PSG11: variants seen among roughly 807,000 people sequenced by gnomAD.
PSG11 encodes pregnancy-specific beta-1-glycoprotein 11.
A neutral mutation model predicts 36.0 loss-of-function variants in PSG11; 42 were observed. The ratio of observed to expected loss-of-function variants is 1.17; its 90% CI spans 0.91 to 1.51. PSG11 has a LOEUF of 1.51. Ranked by LOEUF, PSG11 falls within the 40% of genes most tolerant of loss-of-function variation. The pLI, the probability that PSG11 is intolerant of heterozygous loss-of-function variation, is 0.00. For missense variants in PSG11, 558 were observed against 403.5 expected, an observed-to-expected ratio of 1.38 and a Z score of -3.28; for synonymous variants, 206 against 153.5, an observed-to-expected ratio of 1.34 and a Z score of -2.53.
rs543605647 is a variant in PSG11 at position 43,018,824 on chromosome 19, T to C, written c.655A>G (p.Ile219Val). ...CGGCTGGCACTCCCTGAGTTCCATA[T>C]TTCACATTCATAGGGTCCTGCAGTA... ...KYTAGPYECE[I>V]WNSGSASRSD... The change falls in exon 3 of 6, where the codon ATA becomes GTA. Residue 219 changes from isoleucine to valine, a missense_variant. Transcript: ENST00000320078. The C allele has an allele frequency of 2.5e-6, 4 of 1,612,126 alleles. No homozygotes were observed. In the South Asian group the frequency reaches 4.4e-5, roughly 18 times the overall value.
intron 3 of PSG11, chr19:43,017,493 G>C (rs1189777256): frequency 6.6e-6 from 1 of 151,268 alleles, no homozygotes; most frequent in African/African-American, 2.4e-5. Context: ...TGAAGGCTTT[G>C]GGATGTGAGA....
rs1311360697 is a variant in PSG11, at chr19:43,023,669, G to A, written c.430+1022C>T. Among the ~76,000 whole-genome samples, 4 of 151,108 alleles carry A rather than the reference G, an allele frequency of 2.6e-5. 1 individual carries two copies. The highest frequency in any genetic ancestry group is 5.9e-5 in the Non-Finnish European group (4 of 67,860). ...GGAACCCAGTAAGCCCTCACTTCTG[G>A]TGGAGGAGAGGATGGGCCTGTGGCT... On this transcript the variant is annotated intron_variant, in intron 2 of 5. Transcript: ENST00000320078.
chr19:43,024,175 G>A (rs1243940394), intron 2 of PSG11, among the ~76,000 whole-genome samples: 1 of 151,372 alleles, frequency 6.6e-6, no homozygotes, highest in East Asian at 1.9e-4. Flanking sequence ...ACAGCTCCAG[G>A]AGACACAGTC....
chr19:43,018,903 C>T lies in PSG11; in HGVS notation c.576G>A (p.Arg192=), dbSNP rs1195006797. 5 of 1,612,072 alleles carry T rather than the reference C, an allele frequency of 3.1e-6. No homozygotes were observed. The highest frequency in any genetic ancestry group is 4.2e-6 in the Non-Finnish European group (5 of 1,179,086). The change falls in exon 3 of 6, where the codon AGG becomes AGA. Residue 192 remains arginine (R), a synonymous_variant. Coordinates refer to ENST00000320078, the MANE Select transcript of PSG11 (RefSeq NM_002785.3). ...TCCTGTTGGTTTCAGACAGCTGCATCCTATGAGTCATAGGGAGGCTCTGAC... is the reference window on the plus strand; with the variant it reads ...TCCTGTTGGTTTCAGACAGCTGCATTCTATGAGTCATAGGGAGGCTCTGAC... ...MNGQSLPMTH[R]MQLSETNRTL... is the part of the protein sequence containing the mutation.
chr19:43,025,841 G>A lies in PSG11; in HGVS notation c.64+468C>T, dbSNP rs1751208114. 1.4e-5 allele frequency among the ~76,000 whole-genome samples: 2 copies of A among 144,900 alleles called. 1 individual carries two copies. Among genetic ancestry groups the A allele is most frequent in the African/African-American group, 5.2e-5 (2 of 38,610 alleles). ...TACCTCTTACCAATTCCGGTTCAAT[G>A]TGACTTTCCTGTTTTGACCCCTGTC... On this transcript the variant is annotated intron_variant, in intron 1 of 5. Coordinates refer to ENST00000320078, the MANE Select transcript of PSG11 (RefSeq NM_002785.3).
rs1302835780 is a variant in PSG11, at chr19:43,025,021, C to A, written c.100G>T (p.Ala34Ser). The A allele has an allele frequency of 6.8e-6, 11 of 1,610,540 alleles. 2 individuals are homozygous for A. Among genetic ancestry groups the A allele is most frequent in the Non-Finnish European group, 8.5e-6 (10 of 1,178,296 alleles). ...LLNFWNLPTT[A>S]QVMIEAQPPK... ...GGCTGGGCTTCAATCATGACTTGGG[C>A]AGTGGTAGGCAAGTTCCAGAAGTTT... Residue 34 changes from alanine (A) to serine (S), a missense_variant, in exon 2 of 6, where the codon GCC becomes TCC. Coordinates refer to ENST00000320078, the MANE Select transcript of PSG11 (RefSeq NM_002785.3).
intron 2 of PSG11, chr19:43,024,401 A>G (rs1258830673): frequency 3.8e-6 from 2 of 526,794 alleles, no homozygotes; most frequent in Non-Finnish European, 6.6e-6. Flanking sequence ...GGTCAAATTT[A>G]TGAAGAGGGC....
intron 4 of PSG11, among the ~76,000 whole-genome samples, chr19:43,012,944 A>C (rs1974111688): frequency 6.6e-6 from 1 of 151,472 alleles, no homozygotes; most frequent in Non-Finnish European, 1.5e-5. Context: ...CATAGAAATT[A>C]ATGAAATATC....
chr19:43,026,252 C>T (rs1967252403), intron 1 of PSG11, 57 bp downstream of exon 1: 6 of 1,603,750 alleles, frequency 3.7e-6, no homozygotes, highest in Non-Finnish European at 4.3e-6. Flanking sequence ...TCCAGGAGAC[C>T]CCATCCAGTC....
rs367928031 is a variant in PSG11 at position 43,026,383 on chromosome 19, G to A, written c.-11C>T. On this transcript the variant is annotated 5_prime_UTR_variant, in exon 1 of 6. Transcript: ENST00000320078. ...TGAGAGGGGCCCCATGATCTCTGCTGCGTGCATGTTCTCCTCTGTGGAGAT... is the reference window on the plus strand; with the variant it reads ...TGAGAGGGGCCCCATGATCTCTGCTACGTGCATGTTCTCCTCTGTGGAGAT... 12 of 1,608,584 alleles carry A rather than the reference G, an allele frequency of 7.5e-6. No homozygotes were observed. The African/African-American group carries it at 1.3e-4, about 18-fold the overall frequency.
chr19:43,018,063 T>C (rs1443733839), intron 3 of PSG11, among the ~76,000 whole-genome samples: 1 of 151,278 alleles, frequency 6.6e-6, no homozygotes, highest in Non-Finnish European at 1.5e-5. Flanking sequence ...CCCTGATAGC[T>C]AGATAGACTT....
chr19:43,015,311 G>C lies in PSG11; in HGVS notation c.769C>G (p.Leu257Val), dbSNP rs1481406234. The C allele has an allele frequency of 8.1e-6, 13 of 1,609,974 alleles. No homozygotes were observed. Among genetic ancestry groups the C allele is most frequent in the Non-Finnish European group, 1.1e-5 (13 of 1,177,252 alleles). Reference sequence around the variant, plus strand: ...GAGTTTGCGAAGCAGGACAAGTCGAGGTTCTCTCCTGAATAGTAAGAGGTG... The same window carrying C: ...GAGTTTGCGAAGCAGGACAAGTCGACGTTCTCTCCTGAATAGTAAGAGGTG... ...SVTSYYSGEN[L>V]DLSCFANSNP... The change falls in exon 4 of 6, where the codon CTC becomes GTC. Residue 257 changes from leucine (L) to valine (V), a missense_variant. Transcript: ENST00000320078.
chr19:43,023,813 CTG>C (rs1967165232), intron 2 of PSG11, among the ~76,000 whole-genome samples: 1 of 151,330 alleles, frequency 6.6e-6, no homozygotes, highest in Non-Finnish European at 1.5e-5. Context: ...GGCAAATGGA[CTG>C]TGGCTTTTCA....
chr19:43,014,937 G>A (rs1309585775), intron 4 of PSG11, 179 bp downstream of exon 4: 11 of 1,478,538 alleles, frequency 7.4e-6, no homozygotes, highest in African/African-American at 7.2e-5. Flanking sequence ...TGAGAAAACA[G>A]AAAAAAAAGG....
intron 2 of PSG11, among the ~76,000 whole-genome samples, chr19:43,021,990 A>C (rs1599679553): frequency 6.6e-6 from 1 of 151,458 alleles, no homozygotes; most frequent in Non-Finnish European, 1.5e-5. Flanking sequence ...GCACATAGAC[A>C]AGGCTAACCT....
At chr19:43,025,144 A>C in intron 1 of PSG11, 88 bp from the exon 2 acceptor site, 2 of 1,492,534 alleles carry the variant, frequency 1.3e-6, no homozygotes, top group African/African-American at 2.9e-5. Context: ...AGGTCTCTTC[A>C]ATCCTCAGCC....
chr19:43,015,452 C>A, intron 3 of PSG11, 82 bp from the exon 4 acceptor site: 2 of 1,488,398 alleles, frequency 1.3e-6, no homozygotes, highest in Non-Finnish European at 1.8e-6. Flanking sequence ...ACACAGTGAC[C>A]CTCTGAGCCA....
chr19:43,014,561 G>C (rs922831042), intron 4 of PSG11: 92 of 994,596 alleles, frequency 9.2e-5, no homozygotes, highest in Non-Finnish European at 1.1e-4. Flanking sequence ...CAGGCCACCA[G>C]GACTCTTTCT....
chr19:43,011,790 C>T (rs1156881165), intron 4 of PSG11, among the ~76,000 whole-genome samples: 2 of 150,380 alleles, frequency 1.3e-5, no homozygotes, highest in Admixed American at 6.7e-5. Flanking sequence ...TCTTGGGAGG[C>T]TGAAGAAGGA....
Sources: gnomAD v4.1 joint callset for allele counts (sites outside exome capture counted in the v4.1 genomes callset) on GRCh38, gnomAD v4.1.1 for gene constraint, MANE v1.5 for transcripts, NCBI Gene and HGNC (gene_info 2026-07-23, HGNC 2026-07-21) for gene names.